UNC5C: variants seen among roughly 807,000 people sequenced by gnomAD.
The protein encoded by UNC5C is netrin receptor UNC5C.
In UNC5C, 47 loss-of-function variants were observed where a neutral mutation model predicts 99.8. The observed-to-expected ratio is 0.47, with a 90% CI of 0.37 to 0.60. UNC5C has a LOEUF of 0.60. Among genes scored for constraint, UNC5C ranks in the 20% least tolerant of loss-of-function variants. UNC5C has a pLI of 0.00. For synonymous variants in UNC5C, 487 were observed against 452.2 expected (o/e 1.08, Z -0.98); for missense variants, 1,062 against 1,165.9 (o/e 0.91, Z 1.30).
chr4:95,367,145 G>C (rs1048001697), intron 1 of UNC5C, among the ~76,000 whole-genome samples: 2 of 150,696 alleles, frequency 1.3e-5, no homozygotes, highest in Non-Finnish European at 2.9e-5. Context: ...CTGCTCACTG[G>C]TACGTCAGAC....
intron 11 of UNC5C, among the ~76,000 whole-genome samples, chr4:95,203,191 T>A (rs1237417423): frequency 6.6e-6 from 1 of 152,208 alleles, no homozygotes; most frequent in Non-Finnish European, 1.5e-5. Flanking sequence ...TTTTTTGATC[T>A]TCTAAGAATC....
At chr4:95,263,615 A>G (rs540964355) in intron 4 of UNC5C, among the ~76,000 whole-genome samples, 1 of 152,336 alleles carries the variant, frequency 6.6e-6, no homozygotes, top group African/African-American at 2.4e-5. Context: ...AAGACACTCA[A>G]GTCTCAAGGC....
intron 1 of UNC5C, among the ~76,000 whole-genome samples, chr4:95,468,675 T>C (rs555766982): frequency 2.8e-4 from 43 of 152,116 alleles, no homozygotes; most frequent in Non-Finnish European, 5.1e-4. Context: ...GAGGTTCTCT[T>C]CCATATCATT....
rs17023119 is a variant in UNC5C at position 95,168,541 on chromosome 4, G to C, written c.*693C>G. 10,246 of 152,660 alleles carry C rather than the reference G, an allele frequency of 0.067. 705 individuals are homozygous for C. The highest frequency in any genetic ancestry group is 0.18 in the African/African-American group (7,288 of 41,490). The allele number at this position is 152,660 out of a possible 1,614,324, so 9.5% of individuals were successfully genotyped here. A position where few individuals can be genotyped will look rare whatever the true frequency, so the allele number is the denominator to read the frequency against. On this transcript the variant is annotated 3_prime_UTR_variant, in exon 16 of 16. Transcript: ENST00000453304. The stretch of plus-strand genomic sequence containing the variant: ...AACATGAATCACTGTCTTCCCTGCA[G>C]TGCTACAGCTTTATTCCCAAAGGGC...
At chr4:95,172,408 A>C (rs967532780) in intron 14 of UNC5C, among the ~76,000 whole-genome samples, 1 of 151,768 alleles carries the variant, frequency 6.6e-6, no homozygotes, top group Non-Finnish European at 1.5e-5. Flanking sequence ...TCTCGAATTG[A>C]TTTTTGTATA....
At chr4:95,205,459 T>A (rs1223357571) in intron 11 of UNC5C, among the ~76,000 whole-genome samples, 3 of 152,082 alleles carry the variant, frequency 2.0e-5, no homozygotes. Flanking sequence ...AACATGCCCA[T>A]AGGAAGGAAA....
At chr4:95,435,645 A>C (rs1412779549) in intron 1 of UNC5C, among the ~76,000 whole-genome samples, 1 of 152,006 alleles carries the variant, frequency 6.6e-6, no homozygotes, top group Non-Finnish European at 1.5e-5. Flanking sequence ...TGTGTTAGGG[A>C]CCATACCCAT....
intron 1 of UNC5C, among the ~76,000 whole-genome samples, chr4:95,396,598 C>T (rs951069080): frequency 6.6e-6 from 1 of 152,124 alleles, no homozygotes; most frequent in Non-Finnish European, 1.5e-5. Context: ...GAGTCCACCA[C>T]TGGAGTGAAA....
chr4:95,412,756 C>T (rs575046294), intron 1 of UNC5C, among the ~76,000 whole-genome samples: 3 of 152,274 alleles, frequency 2.0e-5, no homozygotes, highest in South Asian at 2.1e-4. Flanking sequence ...CAATGAGTCA[C>T]CAACTGACCC....
intron 4 of UNC5C, among the ~76,000 whole-genome samples, chr4:95,255,256 A>G (rs1739919454): frequency 1.3e-5 from 2 of 152,154 alleles, no homozygotes; most frequent in African/African-American, 4.8e-5. Context: ...CTGGGATTAC[A>G]GGTGTGAGCC....
At chr4:95,535,574 T>C (rs978778996) in intron 1 of UNC5C, among the ~76,000 whole-genome samples, 1 of 152,190 alleles carries the variant, frequency 6.6e-6, no homozygotes, top group Non-Finnish European at 1.5e-5. Flanking sequence ...ATTATTGGAA[T>C]CTTCGCCTTG....
In UNC5C at chr4:95,169,289, TC is replaced by T. The variant is rs762766538; in HGVS notation, c.2740del (p.Glu914LysfsTer12). On this transcript the variant is annotated frameshift_variant, in exon 16 of 16. Transcript: ENST00000453304. LOFTEE classifies it high-confidence loss of function. ...CACCGTTTCATGTCTTCCCATTTCT[TC>T]CAAGACAGCTGCCAGCATGCTCAGG... Reference protein sequence around the residue: ...GNLSMLAAVLEEMGRHETVVS... With the variant: ...GNLSMLAAVLXEMGRHETVVS... 6.2e-7 allele frequency: 1 copy of T among 1,614,180 alleles called. No homozygotes were observed. The highest frequency in any genetic ancestry group is 1.3e-5 in the African/African-American group (1 of 75,042).
At chr4:95,236,488 C>T (rs373282823) in intron 7 of UNC5C, among the ~76,000 whole-genome samples, 13 of 151,344 alleles carry the variant, frequency 8.6e-5, no homozygotes, top group East Asian at 5.8e-4. Context: ...ATGTAAATGA[C>T]GAGTTAATGG....
intron 14 of UNC5C, among the ~76,000 whole-genome samples, chr4:95,177,700 G>A (rs1402493111): frequency 1.3e-5 from 2 of 152,054 alleles, no homozygotes; most frequent in African/African-American, 2.4e-5. Context: ...TTAGAGACAA[G>A]GTCTTCATGT....
chr4:95,416,614 AG>A (rs1489574625), intron 1 of UNC5C, among the ~76,000 whole-genome samples: 1 of 152,234 alleles, frequency 6.6e-6, no homozygotes, highest in Admixed American at 6.5e-5. Context: ...TCGGACAATT[AG>A]GACAGTTAGA....
intron 1 of UNC5C, among the ~76,000 whole-genome samples, chr4:95,441,653 T>C (rs527536043): frequency 6.6e-5 from 10 of 152,270 alleles, no homozygotes; most frequent in Middle Eastern, 3.4e-3. Context: ...AATACATATA[T>C]ATACATAGAC....
In UNC5C at chr4:95,163,802, T is replaced by TC. The variant is rs1735762617; in HGVS notation, c.*5431_*5432insG. 1.3e-5 allele frequency: 2 copies of TC among 152,198 alleles called. No individual in the cohort carries two copies. Among genetic ancestry groups the TC allele is most frequent in the Non-Finnish European group, 2.9e-5 (2 of 68,018 alleles). The allele number at this position is 152,198 out of a possible 1,614,324, so 9.4% of individuals were successfully genotyped here. A position where few individuals can be genotyped will look rare whatever the true frequency, so the allele number is the denominator to read the frequency against. Reference sequence around the variant, plus strand: ...CAACTGTCACGACATTCTGCAGAGATTCCCAACCTGGGATTCCAGAAGATC... The same window carrying TC: ...CAACTGTCACGACATTCTGCAGAGATCTCCCAACCTGGGATTCCAGAAGATC... On this transcript the variant is annotated 3_prime_UTR_variant, in exon 16 of 16. Coordinates refer to ENST00000453304, the MANE Select transcript of UNC5C (RefSeq NM_003728.4).
intron 10 of UNC5C, among the ~76,000 whole-genome samples, chr4:95,212,920 G>T (rs1172717319): frequency 6.6e-6 from 1 of 152,118 alleles, no homozygotes; most frequent in Non-Finnish European, 1.5e-5. Context: ...CCTCCGGCCC[G>T]GTTCCTCCTC....
intron 1 of UNC5C, among the ~76,000 whole-genome samples, chr4:95,361,246 A>G (rs1321816531): frequency 6.6e-6 from 1 of 151,922 alleles, no homozygotes; most frequent in Non-Finnish European, 1.5e-5. Context: ...TATTTTATCC[A>G]CTCTTCTTAG....
Sources: gnomAD v4.1 joint callset for allele counts (sites outside exome capture counted in the v4.1 genomes callset) on GRCh38, gnomAD v4.1.1 for gene constraint, MANE v1.5 for transcripts, NCBI Gene and HGNC (gene_info 2026-07-23, HGNC 2026-07-21) for gene names.